The following DACH2 variants were observed in gnomAD, a reference collection of about 807,000 sequenced individuals.
DACH2 encodes dachshund family transcription factor 2, also known as dachshund homolog 2.
Under a neutral mutation model 35.8 loss-of-function variants are expected in DACH2, and 17 were observed. The observed-to-expected ratio is 0.48, with a 90% CI of 0.33 to 0.71. The LOEUF is 0.71. DACH2 is among the 30% of genes least tolerant of loss of function. The probability of loss-of-function intolerance (pLI) is 0.02; values close to 1 mark genes in which losing one functional copy is unlikely to be tolerated. For synonymous variants in DACH2, 195 were observed against 177.3 expected (o/e 1.10, Z -0.79); for missense variants, 469 against 472.7 (o/e 0.99, Z 0.07).
chrX:86,713,838 C>T (rs1209061329), intron 5 of DACH2, among the ~76,000 whole-genome samples: 5 of 111,711 alleles, frequency 4.5e-5, no homozygotes, highest in Non-Finnish European at 9.4e-5. Context: ...GAGATATATT[C>T]TTTCAGATAT....
intron 2 of DACH2, among the ~76,000 whole-genome samples, chrX:86,409,129 C>A (rs773368314): frequency 1.8e-5 from 2 of 111,181 alleles, no homozygotes; most frequent in African/African-American, 3.3e-5. Context: ...AATCATCACT[C>A]TTTTTTTCTG....
intron 3 of DACH2, among the ~76,000 whole-genome samples, chrX:86,562,028 TTG>T (rs1491084409): frequency 1.6e-5 from 1 of 61,565 alleles, no homozygotes; most frequent in Non-Finnish European, 2.8e-5. Flanking sequence ...AAAAAATCTT[TTG>T]AAGGTGTTAT....
chrX:86,344,075 T>C (rs1025888885), intron 1 of DACH2, among the ~76,000 whole-genome samples: 1 of 110,643 alleles, frequency 9.0e-6, no homozygotes, highest in Non-Finnish European at 1.9e-5. Flanking sequence ...TTGGATTGTT[T>C]GTAACTCAAA....
intron 1 of DACH2, among the ~76,000 whole-genome samples, chrX:86,368,911 T>A (rs2035845208): frequency 9.0e-6 from 1 of 111,201 alleles, no homozygotes; most frequent in Non-Finnish European, 1.9e-5. Flanking sequence ...GATAAAACAG[T>A]AATTCAGTCA....
intron 2 of DACH2, 42 bp downstream of exon 2, chrX:86,376,904 T>G: frequency 1.7e-6 from 1 of 578,046 alleles, no homozygotes; most frequent in Non-Finnish European, 2.9e-6. Context: ...TTCCTGAGAA[T>G]GTCCTGGAGC....
intron 6 of DACH2, among the ~76,000 whole-genome samples, chrX:86,737,213 G>T (rs371767419): frequency 3.6e-5 from 4 of 111,108 alleles, no homozygotes; most frequent in East Asian, 2.9e-4. Flanking sequence ...ATTATTGGGG[G>T]AAAAAACTTG....
Position 86,148,483 on chromosome X carries a change from C to CTGAA in DACH2, c.-137_-134dup. The CTGAA allele has an allele frequency of 1.4e-6, 1 of 727,595 alleles. No individual in the cohort carries two copies. Among genetic ancestry groups the CTGAA allele is most frequent in the Non-Finnish European group, 2.0e-6 (1 of 510,496 alleles). The allele number at this position is 727,595 out of a possible 1,213,427, so 60.0% of individuals were successfully genotyped here. A position where few individuals can be genotyped will look rare whatever the true frequency, so the allele number is the denominator to read the frequency against. On this transcript the variant is annotated 5_prime_UTR_variant, in exon 1 of 12. In the 5' UTR this introduces an upstream ATG that the reference lacks. Transcript: ENST00000373125. ...GTTGAGCTTGAGCGTGAGCCGGCTG[C>CTGAA]TGAAGACTTGCGAACAGTTCGGAGC...
intron 4 of DACH2, among the ~76,000 whole-genome samples, chrX:86,667,542 AAAG>A (rs749427178): frequency 0.023 from 1,029 of 44,376 alleles, 8 homozygotes; most frequent in Middle Eastern, 0.045. Context: ...AGAAAGAAAG[AAAG>A]AAGAAAGAAA....
At chrX:86,398,199 A>G (rs1222304375) in intron 2 of DACH2, among the ~76,000 whole-genome samples, 3 of 111,740 alleles carry the variant, frequency 2.7e-5, no homozygotes, top group Admixed American at 9.5e-5. Context: ...GTATTCTCTG[A>G]TGGTAGTTTG....
chrX:86,666,956 T>A (rs2040676312), intron 4 of DACH2, among the ~76,000 whole-genome samples: 1 of 109,156 alleles, frequency 9.2e-6, no homozygotes, highest in Admixed American at 9.9e-5. Context: ...GTAAAGCATG[T>A]AGCCCTGGGC....
At chrX:86,602,275 T>C (rs761264694) in intron 3 of DACH2, among the ~76,000 whole-genome samples, 1 of 112,412 alleles carries the variant, frequency 8.9e-6, no homozygotes, top group Non-Finnish European at 1.9e-5. Context: ...TTGTTGCTTA[T>C]GGTTTCTGCC....
At chrX:86,780,388 G>T (rs1168006485) in intron 7 of DACH2, among the ~76,000 whole-genome samples, 1 of 111,143 alleles carries the variant, frequency 9.0e-6, no homozygotes, top group African/African-American at 3.3e-5. Context: ...TATGGATGGG[G>T]ATCAAGATTC....
chrX:86,497,276 G>T (rs776491296), intron 2 of DACH2, among the ~76,000 whole-genome samples: 80 of 111,518 alleles, frequency 7.2e-4, no homozygotes, highest in Non-Finnish European at 7.0e-4. Context: ...AATTCTCTGG[G>T]GATGAGGCCT....
At chrX:86,329,398 G>A (rs1448376008) in intron 1 of DACH2, among the ~76,000 whole-genome samples, 2 of 111,052 alleles carry the variant, frequency 1.8e-5, no homozygotes, top group African/African-American at 6.5e-5. Flanking sequence ...TGTAAACAAA[G>A]TGAGATGTGA....
At chrX:86,449,741 T>C (rs1194412963) in intron 2 of DACH2, among the ~76,000 whole-genome samples, 1 of 111,726 alleles carries the variant, frequency 9.0e-6, no homozygotes, top group Non-Finnish European at 1.9e-5. Context: ...CTGTAAACAA[T>C]ATTACTTTGA....
chrX:86,395,253 A>G (rs1357354019), intron 2 of DACH2, among the ~76,000 whole-genome samples: 1 of 111,784 alleles, frequency 8.9e-6, no homozygotes, highest in Admixed American at 9.5e-5. Context: ...CTCTCTCATA[A>G]AAGTAGATCC....
At chrX:86,175,305 A>T (rs1320769530) in intron 1 of DACH2, among the ~76,000 whole-genome samples, 2 of 112,512 alleles carry the variant, frequency 1.8e-5, no homozygotes, top group Admixed American at 9.4e-5. Flanking sequence ...TTAATAAGTC[A>T]CATGAGAATT....
At chrX:86,503,973 C>A (rs1315201398) in intron 2 of DACH2, among the ~76,000 whole-genome samples, 1 of 111,682 alleles carries the variant, frequency 9.0e-6, no homozygotes, top group Non-Finnish European at 1.9e-5. Flanking sequence ...GAAAATATAA[C>A]TTCAGAGACA....
intron 2 of DACH2, among the ~76,000 whole-genome samples, chrX:86,435,222 C>G (rs186171450): frequency 8.9e-6 from 1 of 111,807 alleles, no homozygotes; most frequent in African/African-American, 3.2e-5. Flanking sequence ...AGTTGTGACT[C>G]ATCTGATGAT....
Sources: gnomAD v4.1 joint callset for allele counts (sites outside exome capture counted in the v4.1 genomes callset) on GRCh38, gnomAD v4.1.1 for gene constraint, MANE v1.5 for transcripts, NCBI Gene and HGNC (gene_info 2026-07-23, HGNC 2026-07-21) for gene names.